COL25A1: variants seen among roughly 807,000 people sequenced by gnomAD.
COL25A1 encodes the protein collagen type XXV alpha 1 chain, also known as collagen alpha-1(XXV) chain.
In COL25A1, 103 loss-of-function variants were observed where a neutral mutation model predicts 128.4. The observed-to-expected ratio is 0.80, with a 90% CI of 0.68 to 0.94. COL25A1 has a LOEUF of 0.94. Among genes scored for constraint, COL25A1 ranks in the 40% least tolerant of loss-of-function variants. The pLI is 0.00. For synonymous variants in COL25A1, 279 were observed against 277.2 expected, an observed-to-expected ratio of 1.01 and a Z score of -0.06; for missense variants, 745 against 840.0, an observed-to-expected ratio of 0.89 and a Z score of 1.40.
intron 31 of COL25A1, chr4:108,834,342 G>C: frequency 6.4e-7 from 1 of 1,550,412 alleles, no homozygotes; most frequent in Non-Finnish European, 8.7e-7. Flanking sequence ...AGCAAGACAA[G>C]GGACTGACTC....
At chr4:108,831,534 T>G (rs896424302) in intron 32 of COL25A1, among the ~76,000 whole-genome samples, 4 of 152,198 alleles carry the variant, frequency 2.6e-5, no homozygotes, top group African/African-American at 9.6e-5. Context: ...TCCGACATTT[T>G]GAAGACTTCA....
rs752069903 is a variant in COL25A1 at position 108,940,576 on chromosome 4, G to T, written c.635C>A (p.Thr212Lys). Residue 212 changes from threonine (T) to lysine (K), a missense_variant, in exon 10 of 38, where the codon ACA becomes AAA. Thr to Lys is a moderately conservative substitution (Grantham distance 78). Coordinates refer to ENST00000399132, the MANE Select transcript of COL25A1 (RefSeq NM_198721.4). The part of the protein sequence containing the change: ...PPGPRGPPGD[T>K]GKDGPRGMPG... ...CATTCCACGGGGGCCATCTTTCCCT[G>T]TGTCCCCAGGTGGCCCTCTTGGGCC... 1.9e-6 allele frequency: 3 copies of T among 1,613,654 alleles called. No individual in the cohort carries two copies. The South Asian group carries it at 3.3e-5, about 18-fold the overall frequency.
intron 22 of COL25A1, among the ~76,000 whole-genome samples, chr4:108,862,243 C>T (rs1300914214): frequency 6.6e-6 from 1 of 152,102 alleles, no homozygotes; most frequent in Non-Finnish European, 1.5e-5. Flanking sequence ...GAAGCTATTC[C>T]TATGAAATAG....
chr4:108,882,377 G>A (rs1434745833), intron 19 of COL25A1, among the ~76,000 whole-genome samples: 1 of 151,782 alleles, frequency 6.6e-6, no homozygotes, highest in African/African-American at 2.4e-5. Context: ...AAGCACGGAG[G>A]TTCCTGCAAG....
At chr4:108,939,863 A>G (rs1339740741) in intron 10 of COL25A1, among the ~76,000 whole-genome samples, 1 of 152,108 alleles carries the variant, frequency 6.6e-6, no homozygotes, top group African/African-American at 2.4e-5. Context: ...TTTTACTACT[A>G]TATCATTGAC....
At chr4:109,067,807 T>C (rs1002800091) in intron 3 of COL25A1, among the ~76,000 whole-genome samples, 3 of 152,064 alleles carry the variant, frequency 2.0e-5, no homozygotes, top group Non-Finnish European at 2.9e-5. Flanking sequence ...GAGGAAAAGA[T>C]GGAAGAAAAG....
intron 3 of COL25A1, among the ~76,000 whole-genome samples, chr4:109,086,193 G>A (rs1392865027): frequency 6.6e-6 from 1 of 152,012 alleles, no homozygotes; most frequent in Non-Finnish European, 1.5e-5. Flanking sequence ...ATTTGTCAAG[G>A]GCTGAACAGT....
chr4:108,845,140 T>C (rs752218120), intron 29 of COL25A1, 49 bp downstream of exon 29: 1 of 1,452,572 alleles, frequency 6.9e-7, no homozygotes, highest in Admixed American at 1.7e-5. Flanking sequence ...AACATGTCAG[T>C]GTGTGAGGAG....
chr4:109,077,430 A>AC (rs1763472203), intron 3 of COL25A1, among the ~76,000 whole-genome samples: 1 of 139,920 alleles, frequency 7.1e-6, no homozygotes, highest in African/African-American at 2.7e-5. Context: ...TCTTCCCACC[A>AC]CCACCCCCCC....
At chr4:108,853,229 T>G (rs555989464) in intron 24 of COL25A1, among the ~76,000 whole-genome samples, 1 of 152,286 alleles carries the variant, frequency 6.6e-6, no homozygotes, top group East Asian at 1.9e-4. Context: ...TAGAGGCTTG[T>G]CAGTATAATT....
intron 11 of COL25A1, among the ~76,000 whole-genome samples, chr4:108,931,960 T>C (rs1746804572): frequency 6.6e-6 from 1 of 152,326 alleles, no homozygotes; most frequent in Non-Finnish European, 1.5e-5. Context: ...TGTGCACAAC[T>C]GAAGGACATG....
chr4:108,837,977 AAT>A, intron 31 of COL25A1: 4 of 748,270 alleles, frequency 5.3e-6, no homozygotes, highest in Non-Finnish European at 9.4e-6. Context: ...GCTCTAATAT[AAT>A]ATGTTTTCTA....
chr4:108,983,908 T>A (rs1285125706), intron 6 of COL25A1, among the ~76,000 whole-genome samples: 1 of 152,110 alleles, frequency 6.6e-6, no homozygotes, highest in Non-Finnish European at 1.5e-5. Context: ...GAACAAAGCT[T>A]CCACAGTGTG....
intron 11 of COL25A1, chr4:108,920,962 T>TGTA (rs1745431225): frequency 5.7e-6 from 1 of 175,580 alleles, no homozygotes; most frequent in Non-Finnish European, 1.2e-5. Flanking sequence ...TAAAATGCAA[T>TGTA]GTAGTTTCTC....
intron 3 of COL25A1, among the ~76,000 whole-genome samples, chr4:109,292,686 A>G (rs1394502403): frequency 1.3e-5 from 2 of 152,082 alleles, no homozygotes; most frequent in African/African-American, 4.8e-5. Context: ...ACAGAATTAT[A>G]CCATGAGACC....
intron 3 of COL25A1, among the ~76,000 whole-genome samples, chr4:109,108,510 T>G (rs969902052): frequency 6.6e-6 from 1 of 152,138 alleles, no homozygotes; most frequent in Non-Finnish European, 1.5e-5. Context: ...TGTGTCTTTA[T>G]AGCAGCATGA....
chr4:109,161,976 G>A (rs2126118950), intron 3 of COL25A1, among the ~76,000 whole-genome samples: 1 of 152,312 alleles, frequency 6.6e-6, no homozygotes, highest in East Asian at 1.9e-4. Context: ...ACTTTCCTGT[G>A]TGGTCTCTGC....
intron 14 of COL25A1, 107 bp from the exon 15 acceptor site, chr4:108,899,287 A>G (rs1578701452): frequency 9.7e-7 from 1 of 1,030,010 alleles, no homozygotes; most frequent in Non-Finnish European, 1.4e-6. Flanking sequence ...ATTATGCATG[A>G]CATTTTCTAT....
In COL25A1 at chr4:108,984,482, G is replaced by A. The variant is rs1033781750; in HGVS notation, c.439-9923C>T. On this transcript the variant is annotated intron_variant, in intron 6 of 37. Transcript: ENST00000399132. ...AGGCTCCCGCCGCACAGGAGACCAT[G>A]AGGGGGGCGGGAGGGAGGCTCACGC... Among the ~76,000 whole-genome samples the A allele has an allele frequency of 2.6e-5, 4 of 152,182 alleles. No homozygotes were observed. In the East Asian group the frequency reaches 5.9e-4, roughly 22 times the overall value.
Sources: allele counts gnomAD v4.1 joint callset (sites outside exome capture counted in the v4.1 genomes callset), GRCh38; gene constraint gnomAD v4.1.1; transcripts MANE v1.5; gene names NCBI Gene and HGNC (gene_info 2026-07-23, HGNC 2026-07-21).